Variants in PHKA2 observed in about 807,000 individuals in gnomAD.
PHKA2 encodes the protein phosphorylase b kinase regulatory subunit alpha, liver isoform.
Under a neutral mutation model 102.0 loss-of-function variants are expected in PHKA2, and 31 were observed. The observed-to-expected ratio is 0.30, with a 90% confidence interval of 0.23 to 0.41. The LOEUF (loss-of-function observed/expected upper bound fraction) is 0.41. Among genes scored for constraint, PHKA2 ranks in the 10% least tolerant of loss-of-function variants. The probability of loss-of-function intolerance (pLI) is 1.00; values close to 1 mark genes in which losing one functional copy is unlikely to be tolerated. For missense variants in PHKA2, 858 were observed against 1,023.1 expected, an observed-to-expected ratio of 0.84 and a Z score of 2.20; for synonymous variants, 455 against 416.2, an observed-to-expected ratio of 1.09 and a Z score of -1.13.
At position 18,951,278 on chromosome X, in the gene PHKA2, G is replaced by A; in HGVS notation, c.286-6C>T. 2 of 1,210,430 alleles carry A rather than the reference G, an allele frequency of 1.7e-6. No homozygotes were observed. The highest frequency in any genetic ancestry group is 1.7e-5 in the African/African-American group (1 of 57,853). ...AACTTCTCCACTTTGGCCACCTGAG[G>A]GAGAAGGCAAGCCCGCTCTGCATAG... On this transcript the variant is annotated splice_region_variant and splice_polypyrimidine_tract_variant and intron_variant, in intron 3 of 32. Coordinates refer to ENST00000379942, the MANE Select transcript of PHKA2 (RefSeq NM_000292.3).
chrX:18,947,958 C>A (rs1000211699), intron 5 of PHKA2, among the ~76,000 whole-genome samples: 3 of 111,277 alleles, frequency 2.7e-5, no homozygotes, highest in Non-Finnish European at 3.8e-5. Context: ...TATGAGGATG[C>A]AAAGGGATAA....
At chrX:18,942,990 G>A (rs188447429) in intron 7 of PHKA2, among the ~76,000 whole-genome samples, 2 of 110,964 alleles carry the variant, frequency 1.8e-5, no homozygotes, top group East Asian at 2.8e-4. Context: ...ATAGCCAACT[G>A]AGCCCAGGGC....
chrX:18,961,036 T>C (rs2048860527), intron 1 of PHKA2, among the ~76,000 whole-genome samples: 4 of 111,907 alleles, frequency 3.6e-5, no homozygotes. Context: ...TCCACAGCTG[T>C]AGACCAGTTT....
intron 1 of PHKA2, among the ~76,000 whole-genome samples, chrX:18,958,653 G>A (rs763429165): frequency 9.2e-6 from 1 of 109,190 alleles, no homozygotes; most frequent in Non-Finnish European, 1.9e-5. Flanking sequence ...TGGGAGGGAG[G>A]GCGGGCCACT....
chrX:18,905,720 C>G, intron 26 of PHKA2, 38 bp downstream of exon 26: 1 of 913,064 alleles, frequency 1.1e-6, no homozygotes, highest in Non-Finnish European at 1.6e-6. Context: ...GTAAAGGAGG[C>G]AGCTCCCTGA....
intron 1 of PHKA2, among the ~76,000 whole-genome samples, chrX:18,971,045 G>C (rs1450781197): frequency 8.9e-6 from 1 of 112,731 alleles, no homozygotes; most frequent in Admixed American, 9.4e-5. Context: ...GCCACTGGTA[G>C]CCCAGGTATC....
At chrX:18,950,813 G>C (rs1303031321) in intron 4 of PHKA2, among the ~76,000 whole-genome samples, 1 of 111,979 alleles carries the variant, frequency 8.9e-6, no homozygotes, top group Non-Finnish European at 1.9e-5. Context: ...GGAGCCTCTG[G>C]CTCTCTTGCC....
At chrX:18,917,373 C>T (rs747172054) in intron 19 of PHKA2, among the ~76,000 whole-genome samples, 1 of 109,138 alleles carries the variant, frequency 9.2e-6, no homozygotes, top group South Asian at 4.1e-4. Flanking sequence ...CTTCTTCTGC[C>T]TCAGCCTCCT....
Position 18,906,725 on chromosome X carries a change from C to T in PHKA2, c.2676+11G>A. 8.3e-7 allele frequency: 1 copy of T among 1,208,475 alleles called. No individual in the cohort carries two copies. Among genetic ancestry groups the T allele is most frequent in the Non-Finnish European group, 1.1e-6 (1 of 892,221 alleles). ...GGCTGTGGCCCGACCCCTCCCACAC[C>T]AGCCCCAGACCTGCGTGAGGACGGC... is the stretch of plus-strand genomic sequence containing the variant. On this transcript the variant is annotated intron_variant, in intron 24 of 32. Coordinates refer to ENST00000379942, the MANE Select transcript of PHKA2 (RefSeq NM_000292.3).
intron 15 of PHKA2, among the ~76,000 whole-genome samples, chrX:18,925,281 C>T (rs1360766603): frequency 1.8e-5 from 2 of 112,505 alleles, no homozygotes; most frequent in African/African-American, 6.5e-5. Context: ...TCCATGAGTA[C>T]ATTCAGTATC....
chrX:18,954,366 G>C lies in PHKA2; in HGVS notation c.125C>G (p.Ala42Gly). 1 of 1,210,928 alleles carries C rather than the reference G, an allele frequency of 8.3e-7. No homozygotes were observed. Among genetic ancestry groups the C allele is most frequent in the Non-Finnish European group, 1.1e-6 (1 of 894,684 alleles). The change falls in exon 2 of 33, where the codon GCC becomes GGC. Residue 42 changes from alanine (A) to glycine (G), a missense_variant. Ala to Gly is a moderately conservative substitution (Grantham distance 60). This residue lies in a region of PHKA2 where 187 missense variants were observed against 277.9 expected (regional missense o/e 0.67). Transcript: ENST00000379942. ...ACTGTAGATGTTATCCCGCACCCAGGCATCCTTCTGCTCATGGCTGGCTGA... is the reference window on the plus strand; with the variant it reads ...ACTGTAGATGTTATCCCGCACCCAGCCATCCTTCTGCTCATGGCTGGCTGA... ...LLSASHEQKD[A>G]WVRDNIYSIL...
chrX:18,939,013 T>C (rs903523651), intron 9 of PHKA2, among the ~76,000 whole-genome samples: 5 of 112,304 alleles, frequency 4.5e-5, no homozygotes, highest in African/African-American at 6.5e-5. Context: ...GCAATATGTC[T>C]ACCACCAAGT....
chrX:18,908,099 T>G lies in PHKA2; in HGVS notation c.2361-43A>C, dbSNP rs373866120. On this transcript the variant is annotated intron_variant, in intron 21 of 32. Coordinates refer to ENST00000379942, the MANE Select transcript of PHKA2 (RefSeq NM_000292.3). ...AACCCAGAAATATGGTCCAGAAAGT[T>G]TAGACTGGGAGAGGAATGGATCACT... 1.2e-5 allele frequency: 14 copies of G among 1,153,432 alleles called. No homozygotes were observed. In the African/African-American group the frequency reaches 1.6e-4, roughly 13 times the overall value.
chrX:18,977,504 T>C (rs1311605985), intron 1 of PHKA2, among the ~76,000 whole-genome samples: 8 of 111,588 alleles, frequency 7.2e-5, no homozygotes, highest in African/African-American at 2.6e-4. Context: ...TTAAAAACTC[T>C]CACTAAGATT....
In PHKA2 at chrX:18,929,770, T is replaced by C. The variant is rs745800055; in HGVS notation, c.1246-464A>G. 6.8e-3 allele frequency among the ~76,000 whole-genome samples: 759 copies of C among 111,922 alleles called. 11 individuals are homozygous for C. Among genetic ancestry groups the C allele is most frequent in the African/African-American group, 0.024 (737 of 30,772 alleles). ...CTGCCTCTCTCTCTCAGTCCATTCT[T>C]CTGGAGGCGCCACAGAAACTAGAAT... On this transcript the variant is annotated intron_variant, in intron 12 of 32. Coordinates refer to ENST00000379942, the MANE Select transcript of PHKA2 (RefSeq NM_000292.3).
chrX:18,939,398 G>C (rs1038738592), intron 9 of PHKA2, among the ~76,000 whole-genome samples: 1 of 110,877 alleles, frequency 9.0e-6, no homozygotes, highest in Admixed American at 9.6e-5. Flanking sequence ...TGCCCAGACT[G>C]GTCTCGAACT....
At chrX:18,931,948 C>T (rs887240272) in intron 11 of PHKA2, among the ~76,000 whole-genome samples, 200 bp from the exon 12 acceptor site, 8 of 112,180 alleles carry the variant, frequency 7.1e-5, no homozygotes, top group East Asian at 2.8e-4. Flanking sequence ...AGTCAAATCG[C>T]GGCCTGGTTC....
intron 12 of PHKA2, 65 bp from the exon 13 acceptor site, chrX:18,929,371 G>T: frequency 1.3e-6 from 1 of 757,410 alleles, no homozygotes; most frequent in Non-Finnish European, 2.0e-6. Context: ...TTAAACTGAA[G>T]TGTGAAAATG....
rs779546770 is a variant in PHKA2, at chrX:18,897,332, C to T, written c.3113G>A (p.Arg1038Lys). The change falls in exon 30 of 33, where the codon AGG becomes AAG. Residue 1038 changes from arginine to lysine, a missense_variant and splice_region_variant. By Grantham distance (26) the Arg-to-Lys change is conservative (BLOSUM62 2). Transcript: ENST00000379942. ...AGTGGGCGAGGATGGGGTGCTGGAC[C>T]TCTGCAAGACAGACAGCTTGGGGCC... ...SSSAHSSKSA[R>K]SSTPSSPTGT... 2.1e-5 allele frequency: 25 copies of T among 1,201,088 alleles called. No individual in the cohort carries two copies. The South Asian group carries it at 4.1e-4, about 20-fold the overall frequency.
Sources: allele counts gnomAD v4.1 joint callset (sites outside exome capture counted in the v4.1 genomes callset), GRCh38; gene constraint gnomAD v4.1.1; regional missense constraint gnomAD v4.1.1; transcripts MANE v1.5; gene names NCBI Gene and HGNC (gene_info 2026-07-23, HGNC 2026-07-21).